The following SNTG1 variants were observed in gnomAD, a reference collection of about 807,000 sequenced individuals.
The protein encoded by SNTG1 is syntrophin gamma 1, also known as gamma-1-syntrophin.
SNTG1 carries 39 observed loss-of-function variants against 74.7 expected under a neutral mutation model. That is an observed-to-expected ratio of 0.52 (90% CI 0.40 to 0.68). SNTG1 has a LOEUF of 0.68. Among genes scored for constraint, SNTG1 ranks in the 30% least tolerant of loss-of-function variants. The pLI is 0.00. For synonymous variants in SNTG1, 254 were observed against 217.1 expected (o/e 1.17, Z -1.49); for missense variants, 685 against 609.5 (o/e 1.12, Z -1.30).
At chr8:50,498,398 C>T (rs1407495441) in intron 8 of SNTG1, among the ~76,000 whole-genome samples, 1 of 151,802 alleles carries the variant, frequency 6.6e-6, no homozygotes, top group African/African-American at 2.4e-5. Flanking sequence ...TTGCCTTGAA[C>T]ATAAGTTCAA....
At chr8:50,311,308 T>C (rs538395957) in intron 2 of SNTG1, among the ~76,000 whole-genome samples, 7 of 152,290 alleles carry the variant, frequency 4.6e-5, no homozygotes, top group South Asian at 2.1e-4. Context: ...ACCCACACAG[T>C]GTGCCACTTT....
intron 2 of SNTG1, among the ~76,000 whole-genome samples, chr8:50,211,501 A>G (rs2084519971): frequency 6.6e-6 from 1 of 152,140 alleles, no homozygotes; most frequent in Non-Finnish European, 1.5e-5. Flanking sequence ...GCAACACTGT[A>G]AAGTCAATAA....
intron 2 of SNTG1, among the ~76,000 whole-genome samples, chr8:50,257,572 A>G (rs2086947543): frequency 6.6e-6 from 1 of 152,248 alleles, no homozygotes; most frequent in Admixed American, 6.5e-5. Context: ...ATGGTAGACC[A>G]GCTACAAGTT....
At chr8:50,348,320 C>T (rs2091544296) in intron 2 of SNTG1, among the ~76,000 whole-genome samples, 1 of 152,110 alleles carries the variant, frequency 6.6e-6, no homozygotes. Context: ...AGGTAGGATC[C>T]CAGGATGCTC....
At chr8:50,008,931 G>A (rs1815504821) in intron 1 of SNTG1, among the ~76,000 whole-genome samples, 1 of 152,132 alleles carries the variant, frequency 6.6e-6, no homozygotes. Context: ...CAACATGTAA[G>A]TAGCTATCTT....
chr8:50,623,510 T>C (rs573224907), intron 13 of SNTG1, among the ~76,000 whole-genome samples: 1 of 152,218 alleles, frequency 6.6e-6, no homozygotes, highest in East Asian at 1.9e-4. Flanking sequence ...AGAACCTATT[T>C]AATTCAATGA....
At chr8:50,053,654 T>TGTGTGTGTGTGTGTGA (rs927270947) in intron 1 of SNTG1, among the ~76,000 whole-genome samples, 1 of 150,814 alleles carries the variant, frequency 6.6e-6, no homozygotes, top group African/African-American at 2.4e-5. Context: ...TGTGTGTGTG[T>TGTGTGTGTGTGTGTGA]GTGTATAATC....
chr8:49,954,713 G>T (rs1364791656), intron 1 of SNTG1, among the ~76,000 whole-genome samples: 2 of 151,990 alleles, frequency 1.3e-5, no homozygotes, highest in African/African-American at 4.8e-5. Context: ...ATTATTATAA[G>T]TCCAGAGTTT....
At chr8:50,700,051 A>C (rs1055733333) in intron 15 of SNTG1, among the ~76,000 whole-genome samples, 2 of 152,206 alleles carry the variant, frequency 1.3e-5, no homozygotes, top group African/African-American at 4.8e-5. Flanking sequence ...CAGAATTCTG[A>C]AGCTAGAACT....
intron 1 of SNTG1, among the ~76,000 whole-genome samples, chr8:49,929,983 A>G (rs1807413633): frequency 6.6e-6 from 1 of 151,266 alleles, no homozygotes; most frequent in Admixed American, 6.6e-5. Context: ...GAAAACCAAA[A>G]TAACAAAACA....
intron 1 of SNTG1, among the ~76,000 whole-genome samples, chr8:49,988,360 G>A (rs953940820): frequency 2.0e-5 from 3 of 152,118 alleles, no homozygotes; most frequent in Admixed American, 1.3e-4. Context: ...CTTCAAAGCA[G>A]CTATTATCAA....
At chr8:50,218,216 G>A (rs1357155067) in intron 2 of SNTG1, among the ~76,000 whole-genome samples, 1 of 152,114 alleles carries the variant, frequency 6.6e-6, no homozygotes, top group Non-Finnish European at 1.5e-5. Context: ...CTATCTCTGA[G>A]GAATGCACTG....
At chr8:50,091,048 C>T (rs1019449699) in intron 1 of SNTG1, among the ~76,000 whole-genome samples, 4 of 152,034 alleles carry the variant, frequency 2.6e-5, no homozygotes, top group African/African-American at 4.8e-5. Flanking sequence ...AAGATGAATT[C>T]TTACTTTCCC....
intron 1 of SNTG1, among the ~76,000 whole-genome samples, chr8:50,098,313 T>C (rs1484603265): frequency 6.6e-6 from 1 of 152,196 alleles, no homozygotes; most frequent in Non-Finnish European, 1.5e-5. Flanking sequence ...TAGGGTAATA[T>C]ACAGTGGGCC....
intron 13 of SNTG1, among the ~76,000 whole-genome samples, chr8:50,602,339 T>A (rs2130936843): frequency 6.6e-6 from 1 of 152,310 alleles, no homozygotes; most frequent in African/African-American, 2.4e-5. Context: ...TTAAAACTCG[T>A]AATTTTAAAC....
At chr8:50,097,601 G>C (rs931746114) in intron 1 of SNTG1, among the ~76,000 whole-genome samples, 1 of 151,506 alleles carries the variant, frequency 6.6e-6, no homozygotes, top group Non-Finnish European at 1.5e-5. Flanking sequence ...GCAGTGAGCG[G>C]AGATCGCGCC....
chr8:50,674,135 TG>T (rs2095298629), intron 15 of SNTG1, among the ~76,000 whole-genome samples: 1 of 152,168 alleles, frequency 6.6e-6, no homozygotes, highest in Non-Finnish European at 1.5e-5. Flanking sequence ...CCTGAAGTTT[TG>T]TTTTTTTATT....
intron 1 of SNTG1, among the ~76,000 whole-genome samples, chr8:50,021,885 G>A (rs1387279876): frequency 7.3e-5 from 11 of 150,066 alleles, no homozygotes; most frequent in African/African-American, 2.5e-4. Flanking sequence ...AGGCTGCTGT[G>A]AGCCAGGATC....
chr8:50,180,061 A>G (rs2131706622), intron 2 of SNTG1, among the ~76,000 whole-genome samples: 1 of 152,350 alleles, frequency 6.6e-6, no homozygotes, highest in Admixed American at 6.5e-5. Context: ...ATGGATAAAT[A>G]AATTATGGTA....
Sources: allele counts gnomAD v4.1 joint callset (sites outside exome capture counted in the v4.1 genomes callset), GRCh38; gene constraint gnomAD v4.1.1; transcripts MANE v1.5; gene names NCBI Gene and HGNC (gene_info 2026-07-23, HGNC 2026-07-21).